Variants in ZNF804A observed in about 807,000 individuals in gnomAD.
ZNF804A encodes zinc finger protein 804A.
In ZNF804A, 2 loss-of-function variants were observed where a neutral mutation model predicts 16.5. The observed-to-expected ratio is 0.12, with a 90% CI of 0.05 to 0.38. The LOEUF is 0.38. ZNF804A is among the 10% of genes least tolerant of loss of function. The pLI, the probability that ZNF804A is intolerant of heterozygous loss-of-function variation, is 0.99. For missense variants in ZNF804A, 1,473 were observed against 1,390.7 expected, an observed-to-expected ratio of 1.06 and a Z score of -0.94; for synonymous variants, 534 against 489.6, an observed-to-expected ratio of 1.09 and a Z score of -1.20.
chr2:184,901,043 C>T (rs1305529569), intron 2 of ZNF804A, among the ~76,000 whole-genome samples: 2 of 152,088 alleles, frequency 1.3e-5, no homozygotes, highest in Non-Finnish European at 2.9e-5. Context: ...GGGCATTCTC[C>T]TCTACCAGTA....
chr2:184,780,364 C>T (rs538943017), intron 1 of ZNF804A, among the ~76,000 whole-genome samples: 8 of 151,694 alleles, frequency 5.3e-5, no homozygotes, highest in Admixed American at 4.0e-4. Context: ...TTATATGCTA[C>T]GTTTTAAACT....
At chr2:184,915,021 A>G (rs1178296859) in intron 2 of ZNF804A, among the ~76,000 whole-genome samples, 1 of 151,870 alleles carries the variant, frequency 6.6e-6, no homozygotes, top group African/African-American at 2.4e-5. Flanking sequence ...GTCATGCAGT[A>G]GTAATTTTTA....
intron 1 of ZNF804A, among the ~76,000 whole-genome samples, chr2:184,648,978 A>G (rs542833819): frequency 6.6e-6 from 1 of 152,220 alleles, no homozygotes; most frequent in Admixed American, 6.5e-5. Flanking sequence ...CATGGAATAT[A>G]TATTATTGTA....
intron 2 of ZNF804A, among the ~76,000 whole-genome samples, chr2:184,926,876 T>C (rs553434817): frequency 6.6e-6 from 1 of 152,328 alleles, no homozygotes; most frequent in South Asian, 2.1e-4. Context: ...CTCTCTTTGT[T>C]AAATTTAGCT....
At chr2:184,599,402 T>C (rs1574125231) in intron 1 of ZNF804A, among the ~76,000 whole-genome samples, 1 of 152,150 alleles carries the variant, frequency 6.6e-6, no homozygotes, top group East Asian at 1.9e-4. Context: ...AGTTACCCCA[T>C]AACCTCTTTT....
intron 1 of ZNF804A, among the ~76,000 whole-genome samples, chr2:184,602,636 T>G (rs1419726838): frequency 6.6e-6 from 1 of 152,026 alleles, no homozygotes; most frequent in East Asian, 1.9e-4. Flanking sequence ...TTTAATCACT[T>G]TAATATGTAA....
chr2:184,712,769 G>T (rs112470301), intron 1 of ZNF804A, among the ~76,000 whole-genome samples: 19 of 151,280 alleles, frequency 1.3e-4, no homozygotes, highest in African/African-American at 3.4e-4. Context: ...AAGCTTTCTG[G>T]TTCTTTCTTC....
chr2:184,800,606 A>G (rs1469187522), intron 1 of ZNF804A, among the ~76,000 whole-genome samples: 4 of 151,388 alleles, frequency 2.6e-5, no homozygotes. Context: ...CTTAATTTCT[A>G]GTTTACTTTT....
intron 1 of ZNF804A, among the ~76,000 whole-genome samples, chr2:184,796,758 A>G (rs144527610): frequency 0.039 from 5,976 of 152,058 alleles, 373 homozygotes; most frequent in African/African-American, 0.13. Flanking sequence ...TGATGTAGGC[A>G]TTTAGGGCTA....
chr2:184,912,717 C>T (rs531343115), intron 2 of ZNF804A, among the ~76,000 whole-genome samples: 92 of 152,098 alleles, frequency 6.0e-4, no homozygotes, highest in Middle Eastern at 6.8e-3. Flanking sequence ...CGTTGCACAT[C>T]GTTTCACATG....
intron 1 of ZNF804A, among the ~76,000 whole-genome samples, chr2:184,832,613 A>C (rs908077983): frequency 1.3e-5 from 2 of 151,928 alleles, no homozygotes; most frequent in African/African-American, 4.8e-5. Context: ...TTTATCATTA[A>C]TTTATGAAAG....
intron 1 of ZNF804A, among the ~76,000 whole-genome samples, chr2:184,623,398 T>G (rs1691448248): frequency 6.6e-6 from 1 of 152,124 alleles, no homozygotes. Flanking sequence ...AGAATGATAA[T>G]TAATAGGATT....
intron 2 of ZNF804A, among the ~76,000 whole-genome samples, chr2:184,920,838 G>C (rs929922017): frequency 6.6e-6 from 1 of 152,146 alleles, no homozygotes; most frequent in Non-Finnish European, 1.5e-5. Context: ...TCCACCAATA[G>C]CATTAGAAAG....
In ZNF804A at chr2:184,690,695, C is replaced by T. The variant is rs79609131; in HGVS notation, c.111+91625C>T. ...CTTTATGAAACAATTGAAGTAGTCCCTTTGCACCTAATCTTCAGTGAAGAC... is the reference window on the plus strand; with the variant it reads ...CTTTATGAAACAATTGAAGTAGTCCTTTTGCACCTAATCTTCAGTGAAGAC... On this transcript the variant is annotated intron_variant, in intron 1 of 3. Transcript: ENST00000302277. 4.6e-3 allele frequency among the ~76,000 whole-genome samples: 698 copies of T among 152,088 alleles called. 12 individuals are homozygous for T. Among genetic ancestry groups the T allele is most frequent in the African/African-American group, 0.015 (639 of 41,522 alleles).
At chr2:184,747,830 G>A (rs1396277176) in intron 1 of ZNF804A, among the ~76,000 whole-genome samples, 3 of 151,192 alleles carry the variant, frequency 2.0e-5, no homozygotes. Flanking sequence ...GTAGGCCACA[G>A]TGTCTGTTTT....
intron 1 of ZNF804A, among the ~76,000 whole-genome samples, chr2:184,681,475 G>A (rs1052835647): frequency 3.9e-5 from 6 of 152,174 alleles, no homozygotes; most frequent in African/African-American, 1.2e-4. Context: ...TCTATGGGGA[G>A]TGCATGGTCT....
chr2:184,815,772 T>C (rs1156627549), intron 1 of ZNF804A, among the ~76,000 whole-genome samples: 1 of 151,986 alleles, frequency 6.6e-6, no homozygotes, highest in East Asian at 1.9e-4. Context: ...CAACATGTAA[T>C]ATAGATAGTT....
At chr2:184,696,227 G>A (rs1234943549) in intron 1 of ZNF804A, among the ~76,000 whole-genome samples, 2 of 152,064 alleles carry the variant, frequency 1.3e-5, no homozygotes, top group East Asian at 1.9e-4. Flanking sequence ...CAACAAAGGC[G>A]AGATTGGGTT....
At chr2:184,867,695 C>A (rs1558987308) in intron 2 of ZNF804A, among the ~76,000 whole-genome samples, 2 of 152,066 alleles carry the variant, frequency 1.3e-5, no homozygotes, top group African/African-American at 2.4e-5. Flanking sequence ...CATAAAAATA[C>A]ATACATAAGT....
Sources: allele counts gnomAD v4.1 joint callset (sites outside exome capture counted in the v4.1 genomes callset), GRCh38; gene constraint gnomAD v4.1.1; transcripts MANE v1.5; gene names NCBI Gene and HGNC (gene_info 2026-07-23, HGNC 2026-07-21).